LIN54: variants seen among roughly 807,000 people sequenced by gnomAD.
LIN54 encodes the protein protein lin-54 homolog.
A neutral mutation model predicts 78.7 loss-of-function variants in LIN54; 9 were observed. The ratio of observed to expected loss-of-function variants is 0.11; its 90% CI spans 0.07 to 0.20. LIN54 has a LOEUF of 0.20. Among genes scored for constraint, LIN54 ranks in the 10% least tolerant of loss-of-function variants. The probability of loss-of-function intolerance (pLI) is 1.00; values close to 1 mark genes in which losing one functional copy is unlikely to be tolerated. For missense variants in LIN54, 573 were observed against 889.9 expected (o/e 0.64, Z 4.53); for synonymous variants, 269 against 318.4 (o/e 0.84, Z 1.65).
intron 4 of LIN54, among the ~76,000 whole-genome samples, chr4:82,962,466 G>A (rs953603565): frequency 6.6e-6 from 1 of 152,030 alleles, no homozygotes; most frequent in African/African-American, 2.4e-5. Flanking sequence ...GTAATAAAAT[G>A]AGAGCCAGAC....
intron 4 of LIN54, among the ~76,000 whole-genome samples, chr4:82,959,535 A>C (rs2126059929): frequency 6.6e-6 from 1 of 152,196 alleles, no homozygotes; most frequent in East Asian, 1.9e-4. Flanking sequence ...CCCCAAAACC[A>C]AAAAACAAAA....
At chr4:82,929,631 C>T (rs1721779690) in intron 12 of LIN54, among the ~76,000 whole-genome samples, 1 of 151,934 alleles carries the variant, frequency 6.6e-6, no homozygotes, top group Non-Finnish European at 1.5e-5. Context: ...ATAGTGAGAC[C>T]TCATCTCTAC....
intron 1 of LIN54, among the ~76,000 whole-genome samples, chr4:83,005,690 T>C (rs1230230624): frequency 4.0e-5 from 6 of 151,858 alleles, no homozygotes; most frequent in Non-Finnish European, 7.4e-5. Context: ...GTATACACTG[T>C]TGGTGAAAAT....
intron 1 of LIN54, among the ~76,000 whole-genome samples, chr4:82,995,557 A>C (rs975778926): frequency 2.9e-5 from 4 of 138,474 alleles, no homozygotes; most frequent in Admixed American, 7.8e-5. Context: ...GTGTAGTGGC[A>C]CAATCTCAGT....
chr4:82,984,413 A>G lies in LIN54; in HGVS notation c.432T>C (p.Thr144=), dbSNP rs1189012851. ...CAATTGGTGAACCAGACTTGCCCAA[A>G]GTTGTTAAAATTAACTTCTGTCCAT... ...KPDGQKLILT[T]LGKSGSPIVL... The change falls in exon 2 of 13, where the codon ACT becomes ACC. Residue 144 remains threonine, a synonymous_variant. Transcript: ENST00000340417. 6.2e-7 allele frequency: 1 copy of G among 1,614,208 alleles called. No homozygotes were observed. Among genetic ancestry groups the G allele is most frequent in the Non-Finnish European group, 8.5e-7 (1 of 1,180,018 alleles).
intron 4 of LIN54, among the ~76,000 whole-genome samples, chr4:82,962,780 T>G (rs953428973): frequency 3.6e-5 from 5 of 139,648 alleles, no homozygotes; most frequent in African/African-American, 1.4e-4. Context: ...ATCAAAATTA[T>G]ATTAATTGAA....
chr4:82,989,060 T>C (rs1206764045), intron 1 of LIN54, among the ~76,000 whole-genome samples: 1 of 151,914 alleles, frequency 6.6e-6, no homozygotes, highest in Admixed American at 6.5e-5. Context: ...CGGTGGTGGG[T>C]GCCTGTAGTC....
chr4:82,958,651 T>G (rs1423869975), intron 4 of LIN54, among the ~76,000 whole-genome samples: 1 of 152,190 alleles, frequency 6.6e-6, no homozygotes, highest in Non-Finnish European at 1.5e-5. Context: ...ATGCCCACTA[T>G]TATTTACTAG....
intron 1 of LIN54, among the ~76,000 whole-genome samples, chr4:83,003,019 T>A (rs781455071): frequency 7.2e-5 from 11 of 152,158 alleles, no homozygotes; most frequent in Non-Finnish European, 1.5e-4. Flanking sequence ...TTTAAGCTTT[T>A]TTTTGTGAGT....
chr4:82,989,971 G>A (rs1163327252), intron 1 of LIN54, among the ~76,000 whole-genome samples: 2 of 152,172 alleles, frequency 1.3e-5, no homozygotes, highest in Non-Finnish European at 2.9e-5. Flanking sequence ...CATTCAGGTG[G>A]TATGTTTCAA....
At chr4:82,977,968 G>A (rs766490678) in intron 3 of LIN54, among the ~76,000 whole-genome samples, 31 of 152,140 alleles carry the variant, frequency 2.0e-4, no homozygotes, top group Non-Finnish European at 2.5e-4. Context: ...AAAGAGACTG[G>A]AAAAAGACAA....
intron 6 of LIN54, 71 bp downstream of exon 6, chr4:82,939,818 T>C (rs1722700123): frequency 3.3e-5 from 52 of 1,584,728 alleles, no homozygotes; most frequent in Non-Finnish European, 4.4e-5. Flanking sequence ...TGCACCTAAA[T>C]CTTAACTTTC....
rs6830139 is a variant in LIN54, at chr4:82,948,243, A to G, written c.952-1769T>C. Reference sequence around the variant, plus strand: ...TACATTAGGAAACAAGGTGCTTGAAACATAATAGTTACATTTATTGGGTAC... The same window carrying G: ...TACATTAGGAAACAAGGTGCTTGAAGCATAATAGTTACATTTATTGGGTAC... On this transcript the variant is annotated intron_variant, in intron 4 of 12. Coordinates refer to ENST00000340417, the MANE Select transcript of LIN54 (RefSeq NM_194282.4). Among the ~76,000 whole-genome samples the G allele has an allele frequency of 2.7e-3, 411 of 152,334 alleles. 3 individuals are homozygous for G. The highest frequency in any genetic ancestry group is 9.4e-3 in the African/African-American group (391 of 41,588).
At chr4:82,991,154 G>GAAAAAAAAAAAAAAAAAAAAAAAAAAA (rs56936823) in intron 1 of LIN54, among the ~76,000 whole-genome samples, 1 of 86,360 alleles carries the variant, frequency 1.2e-5, no homozygotes, top group African/African-American at 4.1e-5. Context: ...TGTCTCTTAA[G>GAAAAAAAAAAAAAAAAAAAAAAAAAAA]AAAAAAAAAA....
At position 83,010,736 on chromosome 4, in the gene LIN54, G is replaced by A; in HGVS notation, c.-285C>T. ...GCCGGGATTGTATTTCGAAAGATCCGCCATTTTCACCTCGTCATCACCATC... is the reference window on the plus strand; with the variant it reads ...GCCGGGATTGTATTTCGAAAGATCCACCATTTTCACCTCGTCATCACCATC... On this transcript the variant is annotated 5_prime_UTR_variant, in exon 1 of 13. Transcript: ENST00000340417. 8.2e-7 allele frequency: 1 copy of A among 1,226,936 alleles called. No homozygotes were observed. Among genetic ancestry groups the A allele is most frequent in the Non-Finnish European group, 1.0e-6 (1 of 984,790 alleles). 76.0% of individuals were successfully genotyped at this position (1,226,936 alleles called of 1,614,324 possible).
chr4:82,947,229 ATATATATT>A (rs1723447101), intron 4 of LIN54, among the ~76,000 whole-genome samples: 1 of 20,662 alleles, frequency 4.8e-5, no homozygotes, highest in African/African-American at 1.7e-4. Flanking sequence ...ATATATATAT[ATATATATT>A]TTTTTTTTTT....
At chr4:83,000,238 G>T (rs1019465343) in intron 1 of LIN54, among the ~76,000 whole-genome samples, 1 of 152,118 alleles carries the variant, frequency 6.6e-6, no homozygotes, top group African/African-American at 2.4e-5. Flanking sequence ...TTCTGGAAAA[G>T]AATGCCATAA....
At chr4:82,940,054 C>CTT in intron 5 of LIN54, 92 bp from the exon 6 acceptor site, 1 of 844,134 alleles carries the variant, frequency 1.2e-6, no homozygotes. Flanking sequence ...AAGTTATTCT[C>CTT]ATAAAAGAGC....
chr4:82,953,206 C>T (rs947233867), intron 4 of LIN54, among the ~76,000 whole-genome samples: 17 of 152,148 alleles, frequency 1.1e-4, no homozygotes, highest in African/African-American at 4.1e-4. Context: ...CCAGGCTGAT[C>T]TTGAACTCGT....
Sources: allele counts gnomAD v4.1 joint callset (sites outside exome capture counted in the v4.1 genomes callset), GRCh38; gene constraint gnomAD v4.1.1; transcripts MANE v1.5; gene names NCBI Gene and HGNC (gene_info 2026-07-23, HGNC 2026-07-21).